The following TUBGCP2 variants were observed in gnomAD, a reference collection of about 807,000 sequenced individuals.
TUBGCP2 encodes tubulin gamma complex component 2.
A neutral mutation model predicts 92.2 loss-of-function variants in TUBGCP2; 55 were observed. The ratio of observed to expected loss-of-function variants is 0.60; its 90% CI spans 0.48 to 0.75. The LOEUF is 0.75. Among genes scored for constraint, TUBGCP2 ranks in the 30% least tolerant of loss-of-function variants. TUBGCP2 has a pLI of 0.00. For synonymous variants in TUBGCP2, 533 were observed against 505.2 expected (o/e 1.06, Z -0.74); for missense variants, 1,093 against 1,188.9 (o/e 0.92, Z 1.19).
chr10:133,293,519 C>T, intron 6 of TUBGCP2, 43 bp downstream of exon 6: 1 of 1,541,742 alleles, frequency 6.5e-7, no homozygotes, highest in Non-Finnish European at 8.8e-7. Context: ...TAACCCCTCC[C>T]CCACAACAGC....
upstream of TUBGCP2, chr10:133,310,010 C>T (rs764393674): frequency 3.7e-6 from 6 of 1,611,138 alleles, no homozygotes; most frequent in Admixed American, 3.3e-5. Context: ...CCGAGGCCAC[C>T]CCCCATTGGT....
intron 14 of TUBGCP2, among the ~76,000 whole-genome samples, 192 bp downstream of exon 14, chr10:133,283,688 GCA>G (rs1847048475): frequency 3.2e-4 from 2 of 6,292 alleles, no homozygotes; most frequent in Non-Finnish European, 7.2e-4. Flanking sequence ...TGCCTCTCCC[GCA>G]TTCCCTGCCT....
intron 2 of TUBGCP2, among the ~76,000 whole-genome samples, chr10:133,300,984 T>C (rs529715010): frequency 9.2e-5 from 14 of 152,332 alleles, no homozygotes; most frequent in Admixed American, 5.9e-4. Flanking sequence ...AGGTTTGTAC[T>C]GGAGAGTAGC....
chr10:133,304,191 C>T (rs1354941433), intron 1 of TUBGCP2, among the ~76,000 whole-genome samples: 2 of 152,086 alleles, frequency 1.3e-5, no homozygotes, highest in Non-Finnish European at 2.9e-5. Flanking sequence ...ATTAACTGGG[C>T]ATGGTAGCAT....
intron 8 of TUBGCP2, chr10:133,290,216 C>G (rs146699504): frequency 2.1e-6 from 1 of 479,870 alleles, no homozygotes; most frequent in African/African-American, 2.0e-5. Context: ...ACCTAGGGGC[C>G]GGGCACAGTG....
chr10:133,309,336 C>A, upstream of TUBGCP2: 1 of 1,576,222 alleles, frequency 6.3e-7, no homozygotes, highest in East Asian at 2.3e-5. Flanking sequence ...AGGCCTGACG[C>A]GGTGGGCGTG....
At chr10:133,310,578 C>G, upstream of TUBGCP2, 2 of 441,120 alleles carry the variant, frequency 4.5e-6, no homozygotes, top group Non-Finnish European at 8.4e-6. Flanking sequence ...ACTCACACCC[C>G]TCTGGGCCAT....
At chr10:133,300,525 G>C (rs940771033) in intron 2 of TUBGCP2, 3 of 169,126 alleles carry the variant, frequency 1.8e-5, no homozygotes, top group African/African-American at 7.2e-5. Flanking sequence ...AGTAAGACAA[G>C]ATCGTGCCAC....
At chr10:133,286,038 G>A (rs1358895946) in intron 11 of TUBGCP2, among the ~76,000 whole-genome samples, 2 of 152,038 alleles carry the variant, frequency 1.3e-5, no homozygotes, top group Admixed American at 1.3e-4. Context: ...CTGTCCTCAC[G>A]TTAATCACTC....
intron 1 of TUBGCP2, among the ~76,000 whole-genome samples, chr10:133,307,955 A>G (rs1332209420): frequency 1.3e-5 from 2 of 152,180 alleles, no homozygotes; most frequent in African/African-American, 4.8e-5. Flanking sequence ...AAACATGGAA[A>G]AAGTACAGGG....
At chr10:133,311,474 A>G, upstream of TUBGCP2, 1 of 454,074 alleles carries the variant, frequency 2.2e-6, no homozygotes, top group Non-Finnish European at 3.9e-6. Flanking sequence ...TTCAAAAAAA[A>G]GTATGATTGT....
In TUBGCP2 at chr10:133,279,762, G is replaced by C; in HGVS notation, c.*4C>G. On this transcript the variant is annotated 3_prime_UTR_variant, in exon 18 of 18. Coordinates refer to ENST00000252936, the MANE Select transcript of TUBGCP2 (RefSeq NM_006659.4). The stretch of plus-strand genomic sequence containing the variant: ...ACACCCTTCCTTCCTGTCACAGCCA[G>C]GGCTCACTGTGCGGTGACTGCGACC... The C allele has an allele frequency of 6.4e-7, 1 of 1,554,302 alleles. No individual in the cohort carries two copies. The highest frequency in any genetic ancestry group is 2.4e-5 in the East Asian group (1 of 41,176).
At chr10:133,302,690 CGCTCACCCTGCACCCTGACCCAGGGGTGG>C (rs1302994902) in intron 2 of TUBGCP2, 73 bp downstream of exon 2, 60 of 1,464,962 alleles carry the variant, frequency 4.1e-5, no homozygotes, top group East Asian at 3.5e-4. Flanking sequence ...CCAGGAACGG[CGCTCACCCTGCACCCTGACCCAGGGGTGG>C]GCTCACCCTG....
Position 133,281,444 on chromosome 10 carries a change from G to C in TUBGCP2, c.2410-8C>G, listed in dbSNP as rs1564933392. On this transcript the variant is annotated splice_region_variant and splice_polypyrimidine_tract_variant and intron_variant, in intron 16 of 17. Transcript: ENST00000252936. ...TGCGTGCTCAGCCAGGTGCTGGAAA[G>C]AAAGCCGGGGTGCGTGAGCCATGCC... 6.2e-7 allele frequency: 1 copy of C among 1,610,810 alleles called. No individual in the cohort carries two copies.
intron 1 of TUBGCP2, among the ~76,000 whole-genome samples, chr10:133,307,521 G>C (rs1180386210): frequency 6.6e-6 from 1 of 152,250 alleles, no homozygotes; most frequent in Non-Finnish European, 1.5e-5. Flanking sequence ...AGAAAGTACA[G>C]TCATGCATCA....
chr10:133,297,902 A>G (rs753451188), intron 5 of TUBGCP2, 50 bp downstream of exon 5: 9 of 1,593,704 alleles, frequency 5.6e-6, no homozygotes, highest in South Asian at 1.1e-5. Context: ...CCCGGAAATC[A>G]ACGCATCACG....
chr10:133,291,354 TCCGTGTCCCCGTGTCCCTCCGTGTCC>T (rs1847300174), intron 8 of TUBGCP2, among the ~76,000 whole-genome samples: 1 of 2,394 alleles, frequency 4.2e-4, no homozygotes, highest in African/African-American at 8.3e-3. Context: ...CCCATGTCCC[TCCGTGTCCCCGTGTCCCTCCGTGTCC>T]CCGTGTCCCG....
At chr10:133,299,352 T>C (rs934989193) in intron 4 of TUBGCP2, 75 bp downstream of exon 4, 2 of 1,312,022 alleles carry the variant, frequency 1.5e-6, no homozygotes, top group Non-Finnish European at 2.1e-6. Context: ...CAGCACTGAG[T>C]GTGGGTGCCT....
At chr10:133,311,642 G>A, upstream of TUBGCP2, 5 of 1,287,224 alleles carry the variant, frequency 3.9e-6, no homozygotes, top group Non-Finnish European at 5.5e-6. Flanking sequence ...TTTCTTTCTT[G>A]CATGTTCATT....
Sources: gnomAD v4.1 joint callset for allele counts (sites outside exome capture counted in the v4.1 genomes callset) on GRCh38, gnomAD v4.1.1 for gene constraint, MANE v1.5 for transcripts, NCBI Gene and HGNC (gene_info 2026-07-23, HGNC 2026-07-21) for gene names.